The following COL8A1 variants were observed in gnomAD, a reference collection of about 807,000 sequenced individuals.
COL8A1 encodes the protein collagen alpha-1(VIII) chain.
COL8A1 carries 21 observed loss-of-function variants against 42.7 expected under a neutral mutation model. The observed-to-expected ratio is 0.49, with a 90% CI of 0.35 to 0.71. COL8A1 has a LOEUF of 0.71. Among genes scored for constraint, COL8A1 ranks in the 30% least tolerant of loss-of-function variants. The pLI is 0.01. For synonymous variants in COL8A1, 367 were observed against 369.1 expected, an observed-to-expected ratio of 0.99 and a Z score of 0.06; for missense variants, 788 against 962.4, an observed-to-expected ratio of 0.82 and a Z score of 2.40.
chr3:99,647,468 T>C (rs527723227), intron 1 of COL8A1, among the ~76,000 whole-genome samples: 1 of 151,516 alleles, frequency 6.6e-6, no homozygotes, highest in East Asian at 1.9e-4. Context: ...CCAGAAATAT[T>C]ATTCAAGTCT....
At chr3:99,693,980 C>T (rs1032446250) in intron 1 of COL8A1, among the ~76,000 whole-genome samples, 3 of 152,172 alleles carry the variant, frequency 2.0e-5, no homozygotes, top group African/African-American at 7.2e-5. Flanking sequence ...TACTGTGTTA[C>T]AATTGCCAAC....
intron 1 of COL8A1, among the ~76,000 whole-genome samples, chr3:99,652,436 A>G (rs1266516211): frequency 6.6e-6 from 1 of 152,214 alleles, no homozygotes; most frequent in Non-Finnish European, 1.5e-5. Flanking sequence ...GTAGAGGCTT[A>G]GAGAGATTAA....
chr3:99,794,551 G>A lies in COL8A1; in HGVS notation c.650G>A (p.Gly217Glu). 6.2e-7 allele frequency: 1 copy of A among 1,614,020 alleles called. No individual in the cohort carries two copies. The highest frequency in any genetic ancestry group is 8.5e-7 in the Non-Finnish European group (1 of 1,179,966). The part of the protein sequence containing the change: ...IGKPGGPGLP[G>E]QPGPKGDRGP... ...AAGCCAGGTGGGCCAGGGTTACCAG[G>A]GCAACCAGGACCAAAGGGTGATCGA... Residue 217 changes from glycine to glutamate, a missense_variant, in exon 4 of 4, where the codon GGG becomes GAG. Transcript: ENST00000652472. This position sits in a 1 kb window ranked among gnomAD's most constrained non-coding sequence, Gnocchi z 4.3.
Position 99,799,063 on chromosome 3 carries a change from G to T in COL8A1, c.*2927G>T, listed in dbSNP as rs1354180238. 6.6e-6 allele frequency: 1 copy of T among 152,194 alleles called. No homozygotes were observed. The highest frequency in any genetic ancestry group is 1.9e-4 in the East Asian group (1 of 5,198). The allele number at this position is 152,194 out of a possible 1,614,324, so 9.4% of individuals were successfully genotyped here. A position where few individuals can be genotyped will look rare whatever the true frequency, so the allele number is the denominator to read the frequency against. On this transcript the variant is annotated 3_prime_UTR_variant, in exon 4 of 4. Transcript: ENST00000652472. ...AAAAGAATGTCTGTAGTGGGTGACT[G>T]TTATCAAATATTTTATAGAATACAA...
chr3:99,650,126 C>G (rs948839364), intron 1 of COL8A1, among the ~76,000 whole-genome samples: 2 of 152,150 alleles, frequency 1.3e-5, no homozygotes, highest in African/African-American at 4.8e-5. Flanking sequence ...TACTACTCCC[C>G]CAAACATTCC....
intron 1 of COL8A1, among the ~76,000 whole-genome samples, chr3:99,726,924 A>C (rs1488723044): frequency 2.6e-5 from 4 of 152,134 alleles, no homozygotes; most frequent in Non-Finnish European, 4.4e-5. Context: ...TGAATTTTAA[A>C]GTAGTTTTTT....
chr3:99,773,784 G>C (rs1325190209), intron 2 of COL8A1, among the ~76,000 whole-genome samples: 3 of 120,498 alleles, frequency 2.5e-5, no homozygotes, highest in African/African-American at 6.3e-5. Flanking sequence ...AAAATGAATA[G>C]ATGGGTAAGT....
At position 99,675,418 on chromosome 3, in the gene COL8A1, G is replaced by A. The variant is rs1304403335; in HGVS notation, c.-129+36754G>A. Among the ~76,000 whole-genome samples the A allele has an allele frequency of 3.3e-5, 5 of 151,990 alleles. No homozygotes were observed. In the South Asian group the frequency reaches 8.3e-4, roughly 25 times the overall value. ...CAATATTTTGTTATTTGTTATGAGC[G>A]CCAGTGATGCAATAAAGGGAAAACC... On this transcript the variant is annotated intron_variant, in intron 1 of 3. Coordinates refer to ENST00000652472, the MANE Select transcript of COL8A1 (RefSeq NM_020351.4).
chr3:99,728,933 AC>A (rs1216230621), intron 1 of COL8A1, among the ~76,000 whole-genome samples: 3 of 152,012 alleles, frequency 2.0e-5, no homozygotes, highest in Non-Finnish European at 4.4e-5. Context: ...TCTTTTCCTG[AC>A]CTCTGTTATT....
intron 1 of COL8A1, among the ~76,000 whole-genome samples, chr3:99,738,258 T>A (rs1360799522): frequency 6.6e-6 from 1 of 152,260 alleles, no homozygotes; most frequent in Admixed American, 6.5e-5. Flanking sequence ...CTTTGTTCCA[T>A]CGCTGGTGAG....
chr3:99,735,672 A>T (rs1334980989), intron 1 of COL8A1, among the ~76,000 whole-genome samples: 1 of 149,822 alleles, frequency 6.7e-6, no homozygotes, highest in African/African-American at 2.5e-5. Flanking sequence ...TCATAAAATG[A>T]GTTAGGGAGG....
At chr3:99,758,514 CAG>C (rs1283019772) in intron 2 of COL8A1, among the ~76,000 whole-genome samples, 3 of 152,146 alleles carry the variant, frequency 2.0e-5, no homozygotes, top group Non-Finnish European at 4.4e-5. Flanking sequence ...GATGCTGTAA[CAG>C]ATACTTTATT....
intron 1 of COL8A1, among the ~76,000 whole-genome samples, chr3:99,694,152 C>T (rs1179003530): frequency 6.6e-6 from 1 of 152,118 alleles, no homozygotes; most frequent in Non-Finnish European, 1.5e-5. Context: ...TTTCTCAAAA[C>T]ACATCACTAT....
chr3:99,664,603 T>A (rs963921439), intron 1 of COL8A1, among the ~76,000 whole-genome samples: 2 of 152,260 alleles, frequency 1.3e-5, no homozygotes, highest in African/African-American at 4.8e-5. Flanking sequence ...CTCAGTGCCC[T>A]GTTGCAGATG....
chr3:99,676,925 C>T (rs1013982386), intron 1 of COL8A1, among the ~76,000 whole-genome samples: 18 of 151,676 alleles, frequency 1.2e-4, no homozygotes, highest in African/African-American at 4.4e-4. Flanking sequence ...GCAATTAAAA[C>T]ATCAATTTTA....
At chr3:99,740,080 A>G (rs1229686033) in intron 1 of COL8A1, among the ~76,000 whole-genome samples, 6 of 152,110 alleles carry the variant, frequency 3.9e-5, no homozygotes, top group Non-Finnish European at 2.9e-5. Context: ...AGCAAGAGTG[A>G]CCTTTATTCC....
chr3:99,695,058 A>G (rs1939329475), intron 1 of COL8A1, among the ~76,000 whole-genome samples: 1 of 152,168 alleles, frequency 6.6e-6, no homozygotes, highest in Non-Finnish European at 1.5e-5. Context: ...AAATTTTCCT[A>G]CCAAGATCCT....
In COL8A1 at chr3:99,795,324, G is replaced by A. The variant is rs745820775; in HGVS notation, c.1423G>A (p.Val475Ile). ...AAAAGGTGTACCAGGACTCCCTGGT[G>A]TTCCAGGGCTTCTCGGACCTAAGGG... ...GQKGVPGLPG[V>I]PGLLGPKGEP... The change falls in exon 4 of 4, where the codon GTT becomes ATT. Residue 475 changes from valine (V) to isoleucine (I), a missense_variant. Physicochemically the swap from Val to Ile is conservative, Grantham distance 29. Transcript: ENST00000652472. 2.5e-6 allele frequency: 4 copies of A among 1,605,066 alleles called. No individual in the cohort carries two copies. Among genetic ancestry groups the A allele is most frequent in the Non-Finnish European group, 3.4e-6 (4 of 1,175,628 alleles).
chr3:99,773,465 A>C (rs1394886926), intron 2 of COL8A1, among the ~76,000 whole-genome samples: 1 of 152,146 alleles, frequency 6.6e-6, no homozygotes, highest in Non-Finnish European at 1.5e-5. Flanking sequence ...GAGTAGGACA[A>C]GATAAAATGA....
Sources: gnomAD v4.1 joint callset for allele counts (sites outside exome capture counted in the v4.1 genomes callset) on GRCh38, gnomAD v4.1.1 for gene constraint, Gnocchi (gnomAD v3.1) non-coding constraint, MANE v1.5 for transcripts, NCBI Gene and HGNC (gene_info 2026-07-23, HGNC 2026-07-21) for gene names.